GOLGB1: variants seen among roughly 807,000 people sequenced by gnomAD.
GOLGB1 encodes the protein golgin subfamily B member 1.
A neutral mutation model predicts 336.9 loss-of-function variants in GOLGB1; 174 were observed. The observed-to-expected ratio is 0.52, with a 90% CI of 0.46 to 0.59. GOLGB1 has a LOEUF of 0.59. Ranked by LOEUF, GOLGB1 falls within the 20% of genes least tolerant of loss-of-function variation. GOLGB1 has a pLI of 0.00. For synonymous variants in GOLGB1, 1,208 were observed against 1,289.2 expected, an observed-to-expected ratio of 0.94 and a Z score of 1.35; for missense variants, 3,331 against 3,645.3, an observed-to-expected ratio of 0.91 and a Z score of 2.22.
intron 6 of GOLGB1, 52 bp from the exon 7 acceptor site, chr3:121,719,820 A>G: frequency 2.7e-6 from 4 of 1,471,584 alleles, no homozygotes; most frequent in Admixed American, 4.5e-5. Context: ...CGAATATTGC[A>G]CAAATAAAAC....
Position 121,691,351 on chromosome 3 carries a change from T to A in GOLGB1, c.8013A>T (p.Gln2671His). Reference sequence around the variant, plus strand: ...CACCTACCTTCTTGGCAGCTTCCTTTTGAACACAAACCAATTCTTCTTCCA... The same window carrying A: ...CACCTACCTTCTTGGCAGCTTCCTTATGAACACAAACCAATTCTTCTTCCA... Reference protein sequence around the residue: ...AELEEELVCVQKEAAKKVGEI... With the variant: ...AELEEELVCVHKEAAKKVGEI... Residue 2671 changes from glutamine to histidine, a missense_variant, in exon 14 of 22, where the codon CAA becomes CAT. By Grantham distance (24) the Gln-to-His change is conservative (BLOSUM62 0). Coordinates refer to ENST00000614479, the MANE Select transcript of GOLGB1 (RefSeq NM_001366282.2). 6.2e-7 allele frequency: 1 copy of A among 1,612,450 alleles called. No homozygotes were observed. Among genetic ancestry groups the A allele is most frequent in the Non-Finnish European group, 8.5e-7 (1 of 1,179,700 alleles).
At chr3:121,705,227 A>G (rs1943711723) in intron 10 of GOLGB1, among the ~76,000 whole-genome samples, 1 of 152,214 alleles carries the variant, frequency 6.6e-6, no homozygotes, top group Non-Finnish European at 1.5e-5. Flanking sequence ...TATTAACTCA[A>G]GAAGACTGAA....
At position 121,694,261 on chromosome 3, in the gene GOLGB1, G is replaced by A. The variant is rs568254619; in HGVS notation, c.6262C>T (p.Leu2088=). ...GCTTCACTTTGAGTGTCATCTAGCAGGACTTTGAAGCTAGCTAATTCTGCT... is the reference window on the plus strand; with the variant it reads ...GCTTCACTTTGAGTGTCATCTAGCAAGACTTTGAAGCTAGCTAATTCTGCT... ...AQAELASFKV[L]LDDTQSEAAR... Residue 2088 remains leucine, a synonymous_variant, in exon 13 of 22, where the codon CTG becomes TTG. Coordinates refer to ENST00000614479, the MANE Select transcript of GOLGB1 (RefSeq NM_001366282.2). The A allele has an allele frequency of 6.2e-7, 1 of 1,610,324 alleles. No homozygotes were observed. Among genetic ancestry groups the A allele is most frequent in the Admixed American group, 1.7e-5 (1 of 60,018 alleles).
At chr3:121,667,651 G>GA (rs775817397) in intron 19 of GOLGB1, 41 bp from the exon 20 acceptor site, 1 of 1,593,752 alleles carries the variant, frequency 6.3e-7, no homozygotes, top group Admixed American at 1.7e-5. Flanking sequence ...ATCAGATGCA[G>GA]AAAACAGTTG....
At chr3:121,702,022 C>A (rs748800347) in intron 11 of GOLGB1, among the ~76,000 whole-genome samples, 1 of 152,036 alleles carries the variant, frequency 6.6e-6, no homozygotes, top group Non-Finnish European at 1.5e-5. Flanking sequence ...AGGAAAGGAG[C>A]AGGATTCTAA....
rs1034951800 is a variant in GOLGB1 at position 121,669,262 on chromosome 3, G to A, written c.9271C>T (p.Leu3091Phe). 1 of 1,613,892 alleles carries A rather than the reference G, an allele frequency of 6.2e-7. No homozygotes were observed. Among genetic ancestry groups the A allele is most frequent in the African/African-American group, 1.3e-5 (1 of 74,904 alleles). ...TCCAAGACTGCACAGTGATTTAAAA[G>A]GTCACCATAGTGCTGCTGGTTCTCA... The part of the protein sequence containing the change: ...LRENQQHYGD[L>F]LNHCAVLEKQ... Residue 3091 changes from leucine (L) to phenylalanine (F), a missense_variant, in exon 18 of 22, where the codon CTT (leucine) becomes TTT (phenylalanine). Transcript: ENST00000614479.
chr3:121,742,250 T>C (rs149192634), intron 1 of GOLGB1, among the ~76,000 whole-genome samples: 29 of 152,302 alleles, frequency 1.9e-4, no homozygotes, highest in African/African-American at 7.0e-4. Context: ...AACAGCATGG[T>C]ACTGGTACCA....
intron 17 of GOLGB1, among the ~76,000 whole-genome samples, chr3:121,670,755 TGGG>T (rs398038351): frequency 1.3e-5 from 1 of 79,108 alleles, no homozygotes; most frequent in East Asian, 4.2e-4. Context: ...GGTTTTCTTT[TGGG>T]GGGGGGGGTG....
Position 121,692,283 on chromosome 3 carries a change from A to T in GOLGB1, c.7081T>A (p.Tyr2361Asn). The T allele has an allele frequency of 6.2e-7, 1 of 1,611,394 alleles. No individual in the cohort carries two copies. The highest frequency in any genetic ancestry group is 1.3e-5 in the African/African-American group (1 of 74,708). ...TGAAGATCAGTCTCCAGTTGTTCATAACTGAACTTAGAATTTTGAATATCA... is the reference window on the plus strand; with the variant it reads ...TGAAGATCAGTCTCCAGTTGTTCATTACTGAACTTAGAATTTTGAATATCA... ...EADIQNSKFSYEQLETDLQAS... is the reference protein window; with the variant it reads ...EADIQNSKFSNEQLETDLQAS... Residue 2361 changes from tyrosine to asparagine, a missense_variant, in exon 14 of 22, where the codon TAT becomes AAT. Transcript: ENST00000614479.
chr3:121,664,007 T>C lies in GOLGB1; in HGVS notation c.*473A>G, dbSNP rs1365247819. On this transcript the variant is annotated 3_prime_UTR_variant, in exon 22 of 22. Transcript: ENST00000614479. Reference sequence around the variant, plus strand: ...GATGTCCTATGAGGTGACATGTTCATTTCCCTGAACTCTGTTTATGGCAGA... The same window carrying C: ...GATGTCCTATGAGGTGACATGTTCACTTCCCTGAACTCTGTTTATGGCAGA... 1.8e-5 allele frequency: 3 copies of C among 166,972 alleles called. No individual in the cohort carries two copies. Among genetic ancestry groups the C allele is most frequent in the East Asian group, 3.1e-4 (2 of 6,350 alleles). The allele number at this position is 166,972 out of a possible 1,614,324, so 10.3% of individuals were successfully genotyped here.
intron 13 of GOLGB1, 59 bp downstream of exon 13, chr3:121,693,682 T>C: frequency 8.2e-7 from 1 of 1,212,822 alleles, no homozygotes; most frequent in Non-Finnish European, 1.2e-6. Context: ...AGAAATAGTT[T>C]AGAGACTTTC....
chr3:121,693,818 T>C lies in GOLGB1; in HGVS notation c.6705A>G (p.Glu2235=). 2 of 1,608,914 alleles carry C rather than the reference T, an allele frequency of 1.2e-6. No individual in the cohort carries two copies. The highest frequency in any genetic ancestry group is 1.7e-6 in the Non-Finnish European group (2 of 1,175,248). The change falls in exon 13 of 22, where the codon GAA becomes GAG. Residue 2235 remains glutamate (E), a synonymous_variant. Coordinates refer to ENST00000614479, the MANE Select transcript of GOLGB1 (RefSeq NM_001366282.2). Reference sequence around the variant, plus strand: ...GATCCTTTAGAACACTGCAATTATCTTCTTTGAGTCTAATTTCTTCTTCTT... The same window carrying C: ...GATCCTTTAGAACACTGCAATTATCCTCTTTGAGTCTAATTTCTTCTTCTT... The part of the protein sequence containing the change: ...QSKEEEIRLK[E]DNCSVLKDQL...
chr3:121,738,644 G>C (rs1334941500), intron 1 of GOLGB1, among the ~76,000 whole-genome samples: 1 of 152,114 alleles, frequency 6.6e-6, no homozygotes, highest in African/African-American at 2.4e-5. Context: ...ACCTGCCAGG[G>C]GCCTACGAGG....
chr3:121,746,898 A>T (rs1181700997), intron 1 of GOLGB1, among the ~76,000 whole-genome samples: 1 of 151,654 alleles, frequency 6.6e-6, no homozygotes, highest in Non-Finnish European at 1.5e-5. Flanking sequence ...ATAGTTCGAC[A>T]AAGCTTCTTG....
chr3:121,728,519 C>G (rs183195045), intron 4 of GOLGB1, among the ~76,000 whole-genome samples: 38 of 152,322 alleles, frequency 2.5e-4, no homozygotes, highest in African/African-American at 9.1e-4. Context: ...GTTTCTTGTT[C>G]TCTAAATAGC....
Position 121,696,627 on chromosome 3 carries a change from T to C in GOLGB1, c.3896A>G (p.Asp1299Gly). The stretch of plus-strand genomic sequence containing the variant: ...AGTTCCGCCCTGCAGAGCACTCGCA[T>C]CTTCAGAATGAGAAGGCCAGTCTGG... ...LCPDWPSHSE[D>G]ASALQGGTSV... Residue 1299 changes from aspartate to glycine, a missense_variant, in exon 13 of 22, where the codon GAT (aspartate) becomes GGT (glycine). Coordinates refer to ENST00000614479, the MANE Select transcript of GOLGB1 (RefSeq NM_001366282.2). 6.2e-7 allele frequency: 1 copy of C among 1,614,180 alleles called. No individual in the cohort carries two copies. Among genetic ancestry groups the C allele is most frequent in the South Asian group, 1.1e-5 (1 of 91,088 alleles).
chr3:121,715,203 A>C (rs1455469339), intron 9 of GOLGB1, among the ~76,000 whole-genome samples: 6 of 143,538 alleles, frequency 4.2e-5, no homozygotes, highest in Non-Finnish European at 9.2e-5. Flanking sequence ...AGGCCTAGGC[A>C]CTTTTTTTTT....
intron 1 of GOLGB1, among the ~76,000 whole-genome samples, chr3:121,748,070 G>A (rs1429005325): frequency 6.6e-6 from 1 of 151,000 alleles, no homozygotes; most frequent in Non-Finnish European, 1.5e-5. Flanking sequence ...GAAAAAGAAA[G>A]GGGGCCTATA....
chr3:121,741,745 T>C (rs938954117), intron 1 of GOLGB1, among the ~76,000 whole-genome samples: 3 of 145,394 alleles, frequency 2.1e-5, no homozygotes, highest in African/African-American at 7.4e-5. Flanking sequence ...TCACATATTT[T>C]CCTAGCTCTG....
Sources: allele counts gnomAD v4.1 joint callset (sites outside exome capture counted in the v4.1 genomes callset), GRCh38; gene constraint gnomAD v4.1.1; transcripts MANE v1.5; gene names NCBI Gene and HGNC (gene_info 2026-07-23, HGNC 2026-07-21).